NECAB1: variants seen among roughly 807,000 people sequenced by gnomAD.
NECAB1 encodes the protein N-terminal EF-hand calcium-binding protein 1.
NECAB1 carries 29 observed loss-of-function variants against 57.5 expected under a neutral mutation model. That is an observed-to-expected ratio of 0.50 (90% CI 0.38 to 0.69). The LOEUF (loss-of-function observed/expected upper bound fraction) is 0.69, where lower values mean the gene tolerates loss of function less well. Ranked by LOEUF, NECAB1 falls within the 30% of genes least tolerant of loss-of-function variation. The pLI is 0.00. For missense variants in NECAB1, 372 were observed against 413.8 expected (o/e 0.90, Z 0.88); for synonymous variants, 142 against 147.7 (o/e 0.96, Z 0.28).
At chr8:90,798,837 A>G (rs7825807) in intron 1 of NECAB1, among the ~76,000 whole-genome samples, 51,243 of 151,984 alleles carry the variant, frequency 0.34, 9,732 homozygotes, top group East Asian at 0.82. Context: ...TGCAGAGTCA[A>G]ATGGTAGTTC....
At chr8:90,882,637 A>G (rs1286646797) in intron 5 of NECAB1, among the ~76,000 whole-genome samples, 1 of 152,044 alleles carries the variant, frequency 6.6e-6, no homozygotes, top group Non-Finnish European at 1.5e-5. Flanking sequence ...GTCTTCTCTG[A>G]CCACTCTATC....
At chr8:90,944,562 T>C (rs1810753776) in intron 10 of NECAB1, among the ~76,000 whole-genome samples, 1 of 152,180 alleles carries the variant, frequency 6.6e-6, no homozygotes, top group South Asian at 2.1e-4. Flanking sequence ...TGAATATAAG[T>C]GGTGTACACG....
intron 4 of NECAB1, among the ~76,000 whole-genome samples, chr8:90,874,278 C>T (rs1342880594): frequency 2.0e-5 from 3 of 152,046 alleles, no homozygotes; most frequent in African/African-American, 7.3e-5. Flanking sequence ...TTCCTAGAAG[C>T]CAATTAGAAG....
At chr8:90,872,262 C>T (rs1381322302) in intron 4 of NECAB1, 109 bp downstream of exon 4, 2 of 882,206 alleles carry the variant, frequency 2.3e-6, no homozygotes, top group African/African-American at 3.5e-5. Flanking sequence ...TAGGAGTTCA[C>T]AAAGGAAAAA....
intron 3 of NECAB1, among the ~76,000 whole-genome samples, chr8:90,841,117 G>A (rs1274859191): frequency 6.6e-6 from 1 of 151,642 alleles, no homozygotes; most frequent in African/African-American, 2.4e-5. Flanking sequence ...AAAATTAGCC[G>A]GGCATGGTGG....
intron 1 of NECAB1, among the ~76,000 whole-genome samples, chr8:90,800,304 C>G (rs1455844396): frequency 6.6e-6 from 1 of 152,154 alleles, no homozygotes; most frequent in Non-Finnish European, 1.5e-5. Flanking sequence ...ATTTCTTTCT[C>G]TTGCCTGATT....
chr8:90,894,329 G>T (rs1441646658), intron 5 of NECAB1, among the ~76,000 whole-genome samples: 2 of 151,924 alleles, frequency 1.3e-5, no homozygotes, highest in African/African-American at 4.8e-5. Flanking sequence ...TTCTGCATAG[G>T]TCATTTATAT....
chr8:90,915,891 A>C (rs1435327129), intron 5 of NECAB1, among the ~76,000 whole-genome samples: 1 of 152,206 alleles, frequency 6.6e-6, no homozygotes, highest in Non-Finnish European at 1.5e-5. Context: ...GCACAGAAGA[A>C]AGATGAAGGC....
chr8:90,940,703 G>A, intron 9 of NECAB1, 83 bp from the exon 10 acceptor site: 1 of 959,992 alleles, frequency 1.0e-6, no homozygotes, highest in Non-Finnish European at 1.6e-6. Flanking sequence ...TTTTTGTGAG[G>A]AGGAATGGGA....
chr8:90,810,076 T>C (rs896952904), intron 2 of NECAB1, among the ~76,000 whole-genome samples: 10 of 152,178 alleles, frequency 6.6e-5, no homozygotes, highest in African/African-American at 2.2e-4. Context: ...AGTGAGTAAA[T>C]AGGATTTGTA....
intron 3 of NECAB1, among the ~76,000 whole-genome samples, chr8:90,846,473 C>T (rs567209845): frequency 1.3e-5 from 2 of 152,294 alleles, no homozygotes; most frequent in East Asian, 1.9e-4. Context: ...TTAGATAAAA[C>T]TGCAATAGTT....
At chr8:90,801,596 T>A (rs1228413241) in intron 1 of NECAB1, 95 bp from the exon 2 acceptor site, 1 of 789,434 alleles carries the variant, frequency 1.3e-6, no homozygotes, top group Non-Finnish European at 2.0e-6. Flanking sequence ...TTAGAATGTA[T>A]TTTATTTAAT....
intron 3 of NECAB1, among the ~76,000 whole-genome samples, chr8:90,836,722 C>T (rs1353255448): frequency 6.6e-6 from 1 of 152,126 alleles, no homozygotes; most frequent in Non-Finnish European, 1.5e-5. Flanking sequence ...TTTGCAGCTT[C>T]CAAAAAATTA....
intron 2 of NECAB1, among the ~76,000 whole-genome samples, chr8:90,814,404 T>A (rs1275764339): frequency 6.6e-6 from 1 of 152,166 alleles, no homozygotes; most frequent in Admixed American, 6.6e-5. Context: ...TACTTTACTC[T>A]GTAGGAAAGT....
intron 5 of NECAB1, among the ~76,000 whole-genome samples, chr8:90,907,188 G>GAGAGAGA (rs370070496): frequency 0.01 from 1,473 of 142,196 alleles, 26 homozygotes; most frequent in African/African-American, 0.04. Flanking sequence ...GAGAGAGAGA[G>GAGAGAGA]AATTAGTAGA....
intron 9 of NECAB1, among the ~76,000 whole-genome samples, chr8:90,935,682 C>A (rs1810521360): frequency 6.6e-6 from 1 of 152,034 alleles, no homozygotes; most frequent in African/African-American, 2.4e-5. Context: ...GAGATAATTG[C>A]CTATTCTTAA....
At chr8:90,855,037 A>T (rs1812767589) in intron 3 of NECAB1, among the ~76,000 whole-genome samples, 1 of 152,210 alleles carries the variant, frequency 6.6e-6, no homozygotes, top group African/African-American at 2.4e-5. Context: ...TTTCCTAGGC[A>T]TCTATATGCC....
At chr8:90,870,237 G>A (rs1808598594) in intron 3 of NECAB1, among the ~76,000 whole-genome samples, 1 of 152,100 alleles carries the variant, frequency 6.6e-6, no homozygotes, top group Admixed American at 6.5e-5. Flanking sequence ...CCAGTCTCAG[G>A]TAGTTCTTTA....
intron 3 of NECAB1, among the ~76,000 whole-genome samples, chr8:90,843,153 G>T (rs78918463): frequency 5.6e-4 from 86 of 152,236 alleles, no homozygotes; most frequent in African/African-American, 1.9e-3. Context: ...ATCTTGTGAA[G>T]AAATTATTCA....
Sources: allele counts gnomAD v4.1 joint callset (sites outside exome capture counted in the v4.1 genomes callset), GRCh38; gene constraint gnomAD v4.1.1; transcripts MANE v1.5; gene names NCBI Gene and HGNC (gene_info 2026-07-23, HGNC 2026-07-21).